SCRG1: variants seen among roughly 807,000 people sequenced by gnomAD.
SCRG1 encodes scrapie-responsive protein 1.
SCRG1 carries 3 observed loss-of-function variants against 7.7 expected under a neutral mutation model. That is an observed-to-expected ratio of 0.39 (90% confidence interval 0.18 to 1.01). SCRG1 has a LOEUF of 1.01. SCRG1 is among the 50% of genes least tolerant of loss of function. SCRG1 has a pLI of 0.36. For synonymous variants in SCRG1, 46 were observed against 41.2 expected (o/e 1.12, Z -0.44); for missense variants, 110 against 117.2 (o/e 0.94, Z 0.28).
the SCRG1 span, among the ~76,000 whole-genome samples, chr4:173,477,014 C>T: frequency 6.6e-6 from 1 of 152,038 alleles, no homozygotes. Flanking sequence ...CTTGTTTTAC[C>T]TGGAACAGAA....
the SCRG1 span, among the ~76,000 whole-genome samples, chr4:173,491,194 C>CAT: frequency 6.7e-6 from 1 of 148,596 alleles, no homozygotes; most frequent in Non-Finnish European, 1.5e-5. Context: ...TGAACTAATA[C>CAT]AGAATTCTCT....
the SCRG1 span, chr4:173,446,852 T>C: frequency 2.0e-5 from 3 of 152,350 alleles, no homozygotes; most frequent in South Asian, 2.1e-4. Flanking sequence ...ATTTTTTTCA[T>C]AGACTGCCAT....
chr4:173,444,991 TA>T, the SCRG1 span, among the ~76,000 whole-genome samples: 1 of 152,306 alleles, frequency 6.6e-6, no homozygotes, highest in South Asian at 2.1e-4. Flanking sequence ...AAGAAGATGT[TA>T]AAATGATACC....
upstream of SCRG1, among the ~76,000 whole-genome samples, chr4:173,402,516 C>T (rs960339233): frequency 1.3e-5 from 2 of 151,282 alleles, no homozygotes; most frequent in African/African-American, 2.4e-5. Context: ...CAGCAAAATC[C>T]TTCCAATCAG....
the SCRG1 span, among the ~76,000 whole-genome samples, chr4:173,434,982 GCTAGGATTGGGATC>G: frequency 6.6e-6 from 1 of 152,142 alleles, no homozygotes; most frequent in South Asian, 2.1e-4. Context: ...TAGTTGAGAT[GCTAGGATTGGGATC>G]CTAGGAATTG....
intron 2 of SCRG1, among the ~76,000 whole-genome samples, chr4:173,390,829 A>G (rs1739415250): frequency 6.6e-6 from 1 of 152,104 alleles, no homozygotes; most frequent in Non-Finnish European, 1.5e-5. Flanking sequence ...CTGGTTTTCA[A>G]GTTGGTTTAA....
chr4:173,457,926 G>C, the SCRG1 span, among the ~76,000 whole-genome samples: 3 of 152,234 alleles, frequency 2.0e-5, no homozygotes, highest in Admixed American at 6.5e-5. Flanking sequence ...TTCCCTGAGA[G>C]CTTTCTATTG....
chr4:173,434,689 G>A, the SCRG1 span, among the ~76,000 whole-genome samples: 3 of 152,088 alleles, frequency 2.0e-5, no homozygotes, highest in African/African-American at 7.2e-5. Flanking sequence ...ACAATTAGCC[G>A]GGTGTCGTGG....
chr4:173,503,438 C>T, the SCRG1 span, among the ~76,000 whole-genome samples: 10 of 152,136 alleles, frequency 6.6e-5, no homozygotes, highest in South Asian at 2.1e-4. This position sits in a 1 kb window ranked among gnomAD's most constrained non-coding sequence, Gnocchi z 6.4. Context: ...ACTTGTAAGA[C>T]CAGAGAGAAG....
At chr4:173,483,274 T>TGTC in the SCRG1 span, among the ~76,000 whole-genome samples, 3 of 30,940 alleles carry the variant, frequency 9.7e-5, no homozygotes, top group East Asian at 1.1e-3. Context: ...ATATATGATA[T>TGTC]ATAATATATG....
chr4:173,518,190 G>A, the SCRG1 span, among the ~76,000 whole-genome samples: 19 of 152,264 alleles, frequency 1.2e-4, no homozygotes, highest in Admixed American at 2.6e-4. Flanking sequence ...AGGACCGGGA[G>A]GGCAGGAATG....
Position 173,388,283 on chromosome 4 carries a change from G to T in SCRG1, c.*58C>A. 8.5e-7 allele frequency: 1 copy of T among 1,180,868 alleles called. No individual in the cohort carries two copies. The highest frequency in any genetic ancestry group is 1.3e-6 in the Non-Finnish European group (1 of 794,416). The allele number at this position is 1,180,868 out of a possible 1,614,324, so 73.1% of individuals were successfully genotyped here. On this transcript the variant is annotated 3_prime_UTR_variant, in exon 3 of 3. Coordinates refer to ENST00000296506, the MANE Select transcript of SCRG1 (RefSeq NM_007281.4). The stretch of plus-strand genomic sequence containing the variant: ...TAGAAACTAGAAATGCAGTTATACT[G>T]ATGTAGTGCAGTTTGTGGGAAATCA...
At chr4:173,390,152 T>A (rs1398751030) in intron 2 of SCRG1, among the ~76,000 whole-genome samples, 1 of 152,114 alleles carries the variant, frequency 6.6e-6, no homozygotes. Context: ...CAAGTGATTC[T>A]CCTGTCTCAG....
At chr4:173,502,983 C>G in the SCRG1 span, among the ~76,000 whole-genome samples, 1 of 152,186 alleles carries the variant, frequency 6.6e-6, no homozygotes, top group African/African-American at 2.4e-5. This position sits in a 1 kb window ranked among gnomAD's most constrained non-coding sequence, Gnocchi z 4.6. Flanking sequence ...GTGGGACTCA[C>G]GAAGAAGGAG....
chr4:173,388,384 A>G lies in SCRG1; in HGVS notation c.254T>C (p.Phe85Ser), dbSNP rs1739310299. ...AATCACGAAAGAGATCTTTGGTCCA[A>G]AGAAAACGTCTCTGAAAGAAAATAG... ...ELLCCPKDVF[F>S]GPKISFVIPC... Residue 85 changes from phenylalanine to serine, a missense_variant, in exon 3 of 3, where the codon TTT (phenylalanine) becomes TCT (serine). Coordinates refer to ENST00000296506, the MANE Select transcript of SCRG1 (RefSeq NM_007281.4). The G allele has an allele frequency of 6.2e-7, 1 of 1,611,408 alleles. No homozygotes were observed. Among genetic ancestry groups the G allele is most frequent in the South Asian group, 1.1e-5 (1 of 90,744 alleles).
chr4:173,488,998 G>A, the SCRG1 span, among the ~76,000 whole-genome samples: 33 of 152,250 alleles, frequency 2.2e-4, 1 homozygote, highest in African/African-American at 7.7e-4. Context: ...CTGATACAAC[G>A]TTTCTTAAAG....
intron 1 of SCRG1, among the ~76,000 whole-genome samples, chr4:173,397,025 C>T (rs1284869676): frequency 6.6e-6 from 1 of 152,010 alleles, no homozygotes; most frequent in Non-Finnish European, 1.5e-5. Context: ...TGCACTCCAG[C>T]CTGCGCGATG....
chr4:173,484,201 T>C, the SCRG1 span, among the ~76,000 whole-genome samples: 1 of 90,580 alleles, frequency 1.1e-5, no homozygotes, highest in African/African-American at 4.7e-5. Flanking sequence ...TATTATATAT[T>C]ATATATATTT....
chr4:173,516,298 T>C, the SCRG1 span, among the ~76,000 whole-genome samples: 1 of 152,230 alleles, frequency 6.6e-6, no homozygotes, highest in African/African-American at 2.4e-5. Context: ...TATTTACTTT[T>C]TGTCTAGGCC....
Sources: gnomAD v4.1 joint callset for allele counts (sites outside exome capture counted in the v4.1 genomes callset) on GRCh38, gnomAD v4.1.1 for gene constraint, Gnocchi (gnomAD v3.1) non-coding constraint, MANE v1.5 for transcripts, NCBI Gene and HGNC (gene_info 2026-07-23, HGNC 2026-07-21) for gene names.